EXTL3: variants seen among roughly 807,000 people sequenced by gnomAD.
EXTL3 encodes the protein exostosin-like 3.
Under a neutral mutation model 69.3 loss-of-function variants are expected in EXTL3, and 27 were observed. The ratio of observed to expected loss-of-function variants is 0.39; its 90% CI spans 0.29 to 0.54. The LOEUF (loss-of-function observed/expected upper bound fraction) is 0.54. Among genes scored for constraint, EXTL3 ranks in the 20% least tolerant of loss-of-function variants. The probability of loss-of-function intolerance (pLI) is 0.69; values close to 1 mark genes in which losing one functional copy is unlikely to be tolerated. For missense variants in EXTL3, 1,003 were observed against 1,231.8 expected (o/e 0.81, Z 2.78); for synonymous variants, 511 against 499.4 (o/e 1.02, Z -0.31).
chr8:28,713,005 A>G (rs555441237), intron 1 of EXTL3, among the ~76,000 whole-genome samples: 1 of 152,332 alleles, frequency 6.6e-6, no homozygotes, highest in African/African-American at 2.4e-5. Flanking sequence ...CAGTGTCAAC[A>G]GCAGTCAGCT....
chr8:28,684,666 G>A (rs557571720), intron 1 of EXTL3, among the ~76,000 whole-genome samples: 1 of 152,162 alleles, frequency 6.6e-6, no homozygotes, highest in Non-Finnish European at 1.5e-5. Context: ...CACTTGAACC[G>A]AGGAATTTGA....
Position 28,691,768 on chromosome 8 carries a change from G to A in EXTL3, c.-52-21689G>A, listed in dbSNP as rs189881573. 5.1e-3 allele frequency among the ~76,000 whole-genome samples: 776 copies of A among 151,730 alleles called. 5 individuals are homozygous for A. The highest frequency in any genetic ancestry group is 0.018 in the African/African-American group (745 of 41,306). On this transcript the variant is annotated intron_variant, in intron 1 of 6. Transcript: ENST00000523149. Reference sequence around the variant, plus strand: ...CAAAATTAGCCAGGCGTGGTGGCGCGAGCCTGTAATCCCAGCTACTCGGGA... The same window carrying A: ...CAAAATTAGCCAGGCGTGGTGGCGCAAGCCTGTAATCCCAGCTACTCGGGA...
At chr8:28,724,184 G>A (rs1801360051) in intron 3 of EXTL3, among the ~76,000 whole-genome samples, 1 of 152,100 alleles carries the variant, frequency 6.6e-6, no homozygotes. Flanking sequence ...TTTTCTGTGT[G>A]CTAGGCACTG....
intron 1 of EXTL3, among the ~76,000 whole-genome samples, chr8:28,708,519 G>A (rs747217875): frequency 1.0e-4 from 15 of 149,850 alleles, no homozygotes; most frequent in Non-Finnish European, 1.6e-4. Context: ...CTGACTTCAC[G>A]AACTAGGTAC....
At chr8:28,744,970 A>AAAT (rs537049571) in intron 6 of EXTL3, among the ~76,000 whole-genome samples, 28 of 152,108 alleles carry the variant, frequency 1.8e-4, no homozygotes, top group Non-Finnish European at 2.8e-4. Flanking sequence ...CTCAAAAAGA[A>AAAT]AATAATAATA....
rs34831917 is a variant in EXTL3 at position 28,723,640 on chromosome 8, G to GTTTTTT, written c.2148+5447_2148+5452dup. ...TGTATTAGAATGAGGGCTCAGGACTGTTTTTTTTTTTTTTTTTTTGAGACA... is the reference window on the plus strand; with the variant it reads ...TGTATTAGAATGAGGGCTCAGGACTGTTTTTTTTTTTTTTTTTTTTTTTTTGAGACA... On this transcript the variant is annotated intron_variant, in intron 3 of 6. Coordinates refer to ENST00000220562, the MANE Select transcript of EXTL3 (RefSeq NM_001440.4). Among the ~76,000 whole-genome samples, 12 of 120,914 alleles carry GTTTTTT rather than the reference G, an allele frequency of 9.9e-5. 2 individuals carry two copies. The highest frequency in any genetic ancestry group is 1.2e-4 in the African/African-American group (4 of 32,248). 79.3% of individuals were successfully genotyped at this position (120,914 alleles called of 152,430 possible). A position where few individuals can be genotyped will look rare whatever the true frequency, so the allele number is the denominator to read the frequency against.
At chr8:28,650,664 AT>A (rs1806905017) in intron 1 of EXTL3, among the ~76,000 whole-genome samples, 1 of 151,848 alleles carries the variant, frequency 6.6e-6, no homozygotes. Context: ...GCCTGTATTT[AT>A]TCTTTACTGA....
At chr8:28,705,250 C>A (rs777619145) in intron 1 of EXTL3, among the ~76,000 whole-genome samples, 2 of 152,104 alleles carry the variant, frequency 1.3e-5, no homozygotes, top group Non-Finnish European at 2.9e-5. Flanking sequence ...TGAGGTCATC[C>A]GGTCTAACCC....
chr8:28,626,325 T>C (rs945606021), intron 1 of EXTL3, among the ~76,000 whole-genome samples: 76 of 151,946 alleles, frequency 5.0e-4, no homozygotes, highest in African/African-American at 1.8e-3. Context: ...CACTGGAAAC[T>C]TTGGTGGGAG....
At chr8:28,658,968 G>T (rs1322267360) in intron 1 of EXTL3, among the ~76,000 whole-genome samples, 1 of 152,196 alleles carries the variant, frequency 6.6e-6, no homozygotes, top group African/African-American at 2.4e-5. Flanking sequence ...AAGGATATTT[G>T]CCTTCTTTCC....
chr8:28,630,597 C>T (rs1806557775), intron 1 of EXTL3, among the ~76,000 whole-genome samples: 1 of 152,234 alleles, frequency 6.6e-6, no homozygotes, highest in Admixed American at 6.5e-5. Flanking sequence ...TACGTTTCCT[C>T]ATCTGTAAAA....
chr8:28,729,939 G>A (rs1298652562), intron 3 of EXTL3, among the ~76,000 whole-genome samples: 6 of 151,908 alleles, frequency 3.9e-5, no homozygotes, highest in Non-Finnish European at 8.8e-5. Context: ...CATGTGTAAA[G>A]TGACAGACGC....
chr8:28,652,093 T>C (rs1290405653), intron 1 of EXTL3, among the ~76,000 whole-genome samples: 1 of 152,084 alleles, frequency 6.6e-6, no homozygotes, highest in Non-Finnish European at 1.5e-5. Context: ...TTTCTTCCCA[T>C]GTTGGGCATT....
At chr8:28,610,239 T>TGTGTGTGTGTGTGTGTG (rs1806254779) in intron 2 of EXTL3, among the ~76,000 whole-genome samples, 4 of 112,622 alleles carry the variant, frequency 3.6e-5, no homozygotes, top group African/African-American at 1.5e-4. Context: ...GTGTGTGTGT[T>TGTGTGTGTGTGTGTGTG]TGTGTATGCA....
upstream of EXTL3, among the ~76,000 whole-genome samples, chr8:28,620,006 G>C (rs560683254): frequency 6.6e-6 from 1 of 151,610 alleles, no homozygotes; most frequent in Admixed American, 6.6e-5. Flanking sequence ...GAGTAGCTGG[G>C]ACTACAGGCG....
At chr8:28,700,282 G>A (rs1218598723), upstream of EXTL3, 1 of 152,308 alleles carries the variant, frequency 6.6e-6, no homozygotes, top group African/African-American at 2.4e-5. Flanking sequence ...AAGAGAAAGA[G>A]GATAGGAAAA....
chr8:28,622,351 G>T (rs971460294), upstream of EXTL3, among the ~76,000 whole-genome samples: 12 of 152,366 alleles, frequency 7.9e-5, no homozygotes, highest in East Asian at 2.1e-3. Flanking sequence ...GCCCTCCGCC[G>T]TGTGCAGCCG....
chr8:28,611,815 G>A (rs1489037960), intron 2 of EXTL3, among the ~76,000 whole-genome samples: 3 of 152,164 alleles, frequency 2.0e-5, no homozygotes, highest in Non-Finnish European at 4.4e-5. Context: ...CAAGCCTGCT[G>A]GGGAATGTCA....
rs749822351 is a variant in EXTL3, at chr8:28,717,893, C to T, written c.1834C>T (p.His612Tyr). ...CTGGAACTGTGCTCCAGGGCCTTTC[C>T]ATCTTTTCCCCCACACTCCCTTTGA... Reference protein sequence around the residue: ...RSWNCAPGPFHLFPHTPFDPV... With the variant: ...RSWNCAPGPFYLFPHTPFDPV... Residue 612 changes from histidine (H) to tyrosine (Y), a missense_variant, in exon 3 of 7, where the codon CAT becomes TAT. Coordinates refer to ENST00000220562, the MANE Select transcript of EXTL3 (RefSeq NM_001440.4). The surrounding 1 kb of genome is among the most constrained non-coding windows in gnomAD (Gnocchi z 8.3). 2 of 1,614,168 alleles carry T rather than the reference C, an allele frequency of 1.2e-6. No homozygotes were observed. The highest frequency in any genetic ancestry group is 4.5e-5 in the East Asian group (2 of 44,880).
Sources: allele counts gnomAD v4.1 joint callset (sites outside exome capture counted in the v4.1 genomes callset), GRCh38; gene constraint gnomAD v4.1.1; non-coding constraint Gnocchi (gnomAD v3.1); transcripts MANE v1.5; gene names NCBI Gene and HGNC (gene_info 2026-07-23, HGNC 2026-07-21).